Variants in ADAMTS6 observed in about 807,000 individuals in gnomAD.
ADAMTS6 encodes the protein ADAM metallopeptidase with thrombospondin type 1 motif 6.
In ADAMTS6, 23 loss-of-function variants were observed where a neutral mutation model predicts 144.3. The observed-to-expected ratio is 0.16, with a 90% CI of 0.11 to 0.23. The LOEUF (loss-of-function observed/expected upper bound fraction) is 0.23. Among genes scored for constraint, ADAMTS6 ranks in the 10% least tolerant of loss-of-function variants. The probability of loss-of-function intolerance (pLI) is 1.00; values close to 1 mark genes in which losing one functional copy is unlikely to be tolerated. For synonymous variants in ADAMTS6, 444 were observed against 457.5 expected (o/e 0.97, Z 0.38); for missense variants, 999 against 1,379.6 (o/e 0.72, Z 4.37).
At chr5:65,173,078 C>A in intron 22 of ADAMTS6, 70 bp from the exon 23 acceptor site, 1 of 1,479,860 alleles carries the variant, frequency 6.8e-7, no homozygotes, top group Admixed American at 1.9e-5. Flanking sequence ...GAAAGTCTTT[C>A]TTCATGTAAA....
At chr5:65,168,882 A>G (rs1467889638) in intron 24 of ADAMTS6, among the ~76,000 whole-genome samples, 2 of 147,210 alleles carry the variant, frequency 1.4e-5, no homozygotes, top group Non-Finnish European at 3.0e-5. Flanking sequence ...ACAAAAATCA[A>G]TTCAAGATGG....
intron 3 of ADAMTS6, among the ~76,000 whole-genome samples, chr5:65,465,567 T>A (rs1316069113): frequency 6.6e-6 from 1 of 152,196 alleles, no homozygotes; most frequent in Non-Finnish European, 1.5e-5. Context: ...ATACTCTTTT[T>A]CTCTCCTCCC....
At chr5:65,372,147 G>A (rs933219070) in intron 7 of ADAMTS6, among the ~76,000 whole-genome samples, 14 of 146,086 alleles carry the variant, frequency 9.6e-5, no homozygotes, top group South Asian at 2.1e-4. Context: ...AGGAACAACC[G>A]GTACCAGCCA....
chr5:65,354,211 A>C (rs1749115509), intron 7 of ADAMTS6, among the ~76,000 whole-genome samples: 1 of 151,654 alleles, frequency 6.6e-6, no homozygotes, highest in African/African-American at 2.4e-5. Context: ...TTATCTCTCC[A>C]ACTAATTTGC....
intron 10 of ADAMTS6, 143 bp from the exon 11 acceptor site, chr5:65,291,613 A>G: frequency 1.2e-6 from 1 of 829,228 alleles, no homozygotes; most frequent in Non-Finnish European, 1.7e-6. Flanking sequence ...CACATGGCAG[A>G]ACAGAATAGC....
chr5:65,421,031 G>T (rs544966244), intron 7 of ADAMTS6, among the ~76,000 whole-genome samples: 1 of 152,162 alleles, frequency 6.6e-6, no homozygotes, highest in Non-Finnish European at 1.5e-5. Context: ...GCCAATGTGT[G>T]TATCTTTTAA....
intron 7 of ADAMTS6, among the ~76,000 whole-genome samples, chr5:65,410,551 T>C (rs555014819): frequency 3.3e-5 from 5 of 151,946 alleles, no homozygotes; most frequent in African/African-American, 1.2e-4. Flanking sequence ...CTCTCTTTTA[T>C]ACCATTGCAA....
intron 14 of ADAMTS6, among the ~76,000 whole-genome samples, chr5:65,250,456 T>C (rs1760058635): frequency 6.6e-6 from 1 of 152,138 alleles, no homozygotes; most frequent in Admixed American, 6.6e-5. Flanking sequence ...GGCAATGCAT[T>C]GAAAAGGAAA....
At chr5:65,248,379 T>C (rs187026640) in intron 14 of ADAMTS6, among the ~76,000 whole-genome samples, 241 of 152,320 alleles carry the variant, frequency 1.6e-3, no homozygotes, top group African/African-American at 5.5e-3. Context: ...TGTAGTGTCA[T>C]GCTTGATACT....
rs74852898 is a variant in ADAMTS6, at chr5:65,202,671, T to G, written c.2576-5520A>C. Among the ~76,000 whole-genome samples, 784 of 152,320 alleles carry G rather than the reference T, an allele frequency of 5.1e-3. 5 individuals are homozygous for G. The highest frequency in any genetic ancestry group is 0.018 in the African/African-American group (747 of 41,568). On this transcript the variant is annotated intron_variant, in intron 20 of 24. Transcript: ENST00000381055. ...CCCATTTTATCTTATTACTGTCTGATTTCTCTTTTCCTGATCCTCACTGAT... is the reference window on the plus strand; with the variant it reads ...CCCATTTTATCTTATTACTGTCTGAGTTCTCTTTTCCTGATCCTCACTGAT...
At chr5:65,287,285 G>A (rs556593798) in intron 11 of ADAMTS6, among the ~76,000 whole-genome samples, 11 of 152,182 alleles carry the variant, frequency 7.2e-5, no homozygotes, top group African/African-American at 1.9e-4. Flanking sequence ...CAAAAAAGAC[G>A]GGGACAGGAC....
intron 20 of ADAMTS6, among the ~76,000 whole-genome samples, chr5:65,203,963 A>G (rs1418588957): frequency 6.6e-6 from 1 of 152,212 alleles, no homozygotes; most frequent in Non-Finnish European, 1.5e-5. Context: ...CAGTGACTGA[A>G]TATGTATCCA....
intron 4 of ADAMTS6, among the ~76,000 whole-genome samples, chr5:65,455,344 C>T (rs1459829960): frequency 6.6e-6 from 1 of 152,132 alleles, no homozygotes; most frequent in Non-Finnish European, 1.5e-5. Flanking sequence ...GAGCTTGAGG[C>T]CAGCCTGGTC....
chr5:65,409,647 T>G (rs1272101602), intron 7 of ADAMTS6, among the ~76,000 whole-genome samples: 2 of 152,210 alleles, frequency 1.3e-5, no homozygotes, highest in African/African-American at 4.8e-5. Flanking sequence ...ACTCATTTTA[T>G]GAGGCCAGCA....
At chr5:65,388,576 G>C (rs1203176864) in intron 7 of ADAMTS6, among the ~76,000 whole-genome samples, 7 of 152,176 alleles carry the variant, frequency 4.6e-5, no homozygotes, top group Non-Finnish European at 1.0e-4. Flanking sequence ...CCCCTCATCT[G>C]CAAGATTAGA....
intron 22 of ADAMTS6, among the ~76,000 whole-genome samples, chr5:65,178,530 C>T (rs1754124404): frequency 6.6e-6 from 1 of 152,226 alleles, no homozygotes; most frequent in African/African-American, 2.4e-5. Flanking sequence ...ACCCTTTACA[C>T]CCTATGTGTC....
At chr5:65,443,002 C>G (rs2150234953) in intron 7 of ADAMTS6, among the ~76,000 whole-genome samples, 1 of 152,300 alleles carries the variant, frequency 6.6e-6, no homozygotes, top group Non-Finnish European at 1.5e-5. Context: ...CTGCAAAAGA[C>G]ATAATCTCGT....
At chr5:65,266,143 C>A (rs1283403907) in intron 12 of ADAMTS6, among the ~76,000 whole-genome samples, 1 of 151,648 alleles carries the variant, frequency 6.6e-6, no homozygotes, top group African/African-American at 2.4e-5. Context: ...ATGTAGGTTC[C>A]AAAGTATTTA....
At chr5:65,405,259 T>C (rs916864040) in intron 7 of ADAMTS6, among the ~76,000 whole-genome samples, 1 of 152,230 alleles carries the variant, frequency 6.6e-6, no homozygotes, top group Non-Finnish European at 1.5e-5. Context: ...GGTTTTCTTC[T>C]AGGGTTTTTA....
Sources: allele counts gnomAD v4.1 joint callset (sites outside exome capture counted in the v4.1 genomes callset), GRCh38; gene constraint gnomAD v4.1.1; transcripts MANE v1.5; gene names NCBI Gene and HGNC (gene_info 2026-07-23, HGNC 2026-07-21).